Variants in ARHGAP15 observed in about 807,000 individuals in gnomAD.
ARHGAP15 encodes the protein Rho GTPase activating protein 15, also known as rho GTPase-activating protein 15.
A neutral mutation model predicts 63.7 loss-of-function variants in ARHGAP15; 51 were observed. The ratio of observed to expected loss-of-function variants is 0.80; its 90% CI spans 0.64 to 1.01. The LOEUF is 1.01. Ranked by LOEUF, ARHGAP15 falls within the 50% of genes least tolerant of loss-of-function variation. The pLI is 0.00. For missense variants in ARHGAP15, 560 were observed against 564.6 expected (o/e 0.99, Z 0.08); for synonymous variants, 191 against 193.8 (o/e 0.99, Z 0.12).
intron 10 of ARHGAP15, among the ~76,000 whole-genome samples, chr2:143,522,744 C>T (rs1243599619): frequency 6.6e-6 from 1 of 152,084 alleles, no homozygotes; most frequent in African/African-American, 2.4e-5. Context: ...AGAAAGCTTA[C>T]AAATTTGTGT....
At chr2:143,546,237 G>C (rs1695322625) in intron 10 of ARHGAP15, among the ~76,000 whole-genome samples, 1 of 152,090 alleles carries the variant, frequency 6.6e-6, no homozygotes, top group Non-Finnish European at 1.5e-5. Context: ...ACTTTGTTTA[G>C]ATGTTAAAAA....
chr2:143,757,123 T>C (rs1300463320), intron 13 of ARHGAP15, among the ~76,000 whole-genome samples: 1 of 152,044 alleles, frequency 6.6e-6, no homozygotes, highest in Non-Finnish European at 1.5e-5. Flanking sequence ...AAATTTTCTC[T>C]TACGTCTAAA....
At chr2:143,288,911 A>G (rs1682248266) in intron 6 of ARHGAP15, among the ~76,000 whole-genome samples, 1 of 152,082 alleles carries the variant, frequency 6.6e-6, no homozygotes, top group Non-Finnish European at 1.5e-5. Context: ...TTTGTTGTTG[A>G]ATCAGGGACC....
intron 1 of ARHGAP15, among the ~76,000 whole-genome samples, chr2:143,148,048 C>A (rs1278051634): frequency 6.6e-6 from 1 of 151,984 alleles, no homozygotes; most frequent in African/African-American, 2.4e-5. Context: ...ATAAAAATAA[C>A]CAGGTTCTCC....
intron 12 of ARHGAP15, among the ~76,000 whole-genome samples, chr2:143,646,370 A>G (rs1238930685): frequency 6.6e-6 from 1 of 152,002 alleles, no homozygotes; most frequent in Non-Finnish European, 1.5e-5. Context: ...CCTAGAAGCC[A>G]CTTATTAGCA....
intron 6 of ARHGAP15, among the ~76,000 whole-genome samples, chr2:143,392,199 T>G (rs776401022): frequency 6.6e-6 from 1 of 152,200 alleles, no homozygotes; most frequent in Non-Finnish European, 1.5e-5. Flanking sequence ...TCCAAATACT[T>G]ACTACTTTTA....
At chr2:143,231,148 A>G (rs1693420626) in intron 5 of ARHGAP15, among the ~76,000 whole-genome samples, 2 of 149,526 alleles carry the variant, frequency 1.3e-5, no homozygotes, top group South Asian at 4.2e-4. Flanking sequence ...TTACCTGTGA[A>G]ATGGGCATAG....
chr2:143,296,804 C>T (rs970612063), intron 6 of ARHGAP15, among the ~76,000 whole-genome samples: 4 of 151,862 alleles, frequency 2.6e-5, no homozygotes, highest in African/African-American at 9.7e-5. Context: ...AATAGTTATT[C>T]TTCCTGATCT....
chr2:143,266,792 A>G (rs1681020385), intron 6 of ARHGAP15, among the ~76,000 whole-genome samples: 1 of 152,176 alleles, frequency 6.6e-6, no homozygotes, highest in Admixed American at 6.5e-5. Context: ...AAAATAAGTT[A>G]ATGAAGAAAA....
At chr2:143,498,470 A>G (rs941513718) in intron 9 of ARHGAP15, among the ~76,000 whole-genome samples, 9 of 152,192 alleles carry the variant, frequency 5.9e-5, no homozygotes, top group African/African-American at 1.9e-4. Flanking sequence ...GAAATTGACT[A>G]TATTGCTGTA....
rs150643555 is a variant in ARHGAP15 at position 143,228,646 on chromosome 2, A to G, written c.362A>G (p.Lys121Arg). Residue 121 changes from lysine (K) to arginine (R), a missense_variant, in exon 5 of 14, where the codon AAG (lysine) becomes AGG (arginine). By Grantham distance (26) the Lys-to-Arg change is conservative (BLOSUM62 2). Transcript: ENST00000295095. Reference sequence around the variant, plus strand: ...AGAATTGAATTTTACAAAGAATCCAAGCAACAGGCTCTGTCCAATATGGTA... The same window carrying G: ...AGAATTGAATTTTACAAAGAATCCAGGCAACAGGCTCTGTCCAATATGGTA... ...SRRIEFYKES[K>R]QQALSNMKTG... The G allele has an allele frequency of 1.2e-5, 19 of 1,605,826 alleles. No homozygotes were observed. In the African/African-American group the frequency reaches 1.2e-4, roughly 10 times the overall value.
chr2:143,307,549 T>C (rs756469947), intron 6 of ARHGAP15, among the ~76,000 whole-genome samples: 4 of 152,166 alleles, frequency 2.6e-5, no homozygotes, highest in Non-Finnish European at 4.4e-5. Flanking sequence ...CTGATCATTC[T>C]GATCAAAACC....
intron 6 of ARHGAP15, among the ~76,000 whole-genome samples, chr2:143,332,239 G>A (rs1684580216): frequency 6.6e-6 from 1 of 152,024 alleles, no homozygotes; most frequent in East Asian, 1.9e-4. Flanking sequence ...AGAAGGAAAG[G>A]GAACTAATAA....
At chr2:143,411,113 G>GA (rs1340383374) in intron 6 of ARHGAP15, among the ~76,000 whole-genome samples, 2 of 152,090 alleles carry the variant, frequency 1.3e-5, no homozygotes, top group Admixed American at 6.6e-5. Flanking sequence ...ACTGAGGCAG[G>GA]AAAATCACTT....
intron 12 of ARHGAP15, among the ~76,000 whole-genome samples, chr2:143,689,983 A>C (rs1023642769): frequency 6.6e-6 from 1 of 152,242 alleles, no homozygotes; most frequent in African/African-American, 2.4e-5. Context: ...AAGGGGCAGA[A>C]GGGAAGCATT....
At chr2:143,752,529 C>T (rs1490567445) in intron 13 of ARHGAP15, among the ~76,000 whole-genome samples, 2 of 152,168 alleles carry the variant, frequency 1.3e-5, no homozygotes, top group Non-Finnish European at 2.9e-5. Context: ...CTCCTCATTG[C>T]CAGTCAGGCT....
intron 8 of ARHGAP15, among the ~76,000 whole-genome samples, chr2:143,446,532 A>G (rs1403258357): frequency 4.6e-5 from 7 of 152,074 alleles, no homozygotes; most frequent in Admixed American, 4.6e-4. Flanking sequence ...CCTAAGTGTC[A>G]TGGGGAATAA....
chr2:143,639,279 G>A (rs1047744280), intron 12 of ARHGAP15, among the ~76,000 whole-genome samples: 2 of 152,050 alleles, frequency 1.3e-5, no homozygotes, highest in Non-Finnish European at 2.9e-5. Flanking sequence ...AAACCTCATT[G>A]TTTACTTAAG....
At chr2:143,615,179 A>T (rs1455466688) in intron 11 of ARHGAP15, among the ~76,000 whole-genome samples, 2 of 152,176 alleles carry the variant, frequency 1.3e-5, no homozygotes, top group Non-Finnish European at 2.9e-5. Flanking sequence ...AATTACTAGA[A>T]ATCATCTCTT....
Sources: allele counts gnomAD v4.1 joint callset (sites outside exome capture counted in the v4.1 genomes callset), GRCh38; gene constraint gnomAD v4.1.1; transcripts MANE v1.5; gene names NCBI Gene and HGNC (gene_info 2026-07-23, HGNC 2026-07-21).